The following STAMBPL1 variants were observed in gnomAD, a reference collection of about 807,000 sequenced individuals.
STAMBPL1 encodes AMSH-like protease.
STAMBPL1 carries 44 observed loss-of-function variants against 52.9 expected under a neutral mutation model. The observed-to-expected ratio is 0.83, with a 90% CI of 0.65 to 1.07. The LOEUF (loss-of-function observed/expected upper bound fraction) is 1.07, where lower values mean the gene tolerates loss of function less well. Among genes scored for constraint, STAMBPL1 ranks in the 50% least tolerant of loss-of-function variants. STAMBPL1 has a pLI of 0.00. For missense variants in STAMBPL1, 511 were observed against 520.8 expected, an observed-to-expected ratio of 0.98 and a Z score of 0.18; for synonymous variants, 164 against 177.3, an observed-to-expected ratio of 0.92 and a Z score of 0.60.
intron 1 of STAMBPL1, among the ~76,000 whole-genome samples, chr10:88,888,864 T>C (rs1406896515): frequency 2.0e-5 from 3 of 152,208 alleles, no homozygotes; most frequent in Non-Finnish European, 4.4e-5. Context: ...TGATACATAC[T>C]TATAACAAAT....
intron 8 of STAMBPL1, among the ~76,000 whole-genome samples, chr10:88,920,620 T>C (rs1845485412): frequency 6.6e-6 from 1 of 152,218 alleles, no homozygotes; most frequent in African/African-American, 2.4e-5. Flanking sequence ...CATAAACACA[T>C]TTGTATATAG....
chr10:88,899,619 C>CCTGCCT (rs1844894339), intron 1 of STAMBPL1, among the ~76,000 whole-genome samples: 1 of 152,138 alleles, frequency 6.6e-6, no homozygotes, highest in Non-Finnish European at 1.5e-5. Flanking sequence ...AAGCAATTCT[C>CCTGCCT]CTGCCTCAGC....
At chr10:88,910,304 T>TA (rs1449020594) in intron 4 of STAMBPL1, among the ~76,000 whole-genome samples, 4 of 152,058 alleles carry the variant, frequency 2.6e-5, no homozygotes, top group African/African-American at 9.7e-5. Context: ...TCCTCAACTC[T>TA]AAAAAAGAAG....
intron 1 of STAMBPL1, among the ~76,000 whole-genome samples, chr10:88,890,446 T>A (rs1490382151): frequency 2.6e-5 from 4 of 152,000 alleles, no homozygotes; most frequent in African/African-American, 9.7e-5. Flanking sequence ...GGGTGGGGTG[T>A]ACATTAAGGA....
At position 88,923,409 on chromosome 10, in the gene STAMBPL1, A is replaced by C; in HGVS notation, c.*185A>C. On this transcript the variant is annotated 3_prime_UTR_variant, in exon 11 of 11. Coordinates refer to ENST00000371926, the MANE Select transcript of STAMBPL1 (RefSeq NM_020799.4). ...TCTTTTTGGGTTGCTCTGTGTCAAGAGAGGTTACATGGTGTTAAATCGGTA... is the reference window on the plus strand; with the variant it reads ...TCTTTTTGGGTTGCTCTGTGTCAAGCGAGGTTACATGGTGTTAAATCGGTA... The C allele has an allele frequency of 7.4e-7, 1 of 1,351,668 alleles. No individual in the cohort carries two copies. The allele number at this position is 1,351,668 out of a possible 1,614,324, so 83.7% of individuals were successfully genotyped here.
chr10:88,896,929 C>T (rs1326944015), intron 1 of STAMBPL1, among the ~76,000 whole-genome samples: 4 of 152,048 alleles, frequency 2.6e-5, no homozygotes, highest in Non-Finnish European at 5.9e-5. Flanking sequence ...CTGAAAAAAT[C>T]ACAAAATAAG....
At chr10:88,904,361 T>TG (rs1845020735) in intron 2 of STAMBPL1, among the ~76,000 whole-genome samples, 1 of 152,206 alleles carries the variant, frequency 6.6e-6, no homozygotes, top group Non-Finnish European at 1.5e-5. Context: ...GTTAGGAATT[T>TG]GCATTTGTAA....
intron 1 of STAMBPL1, among the ~76,000 whole-genome samples, chr10:88,893,428 T>C (rs1844735529): frequency 6.6e-6 from 1 of 152,120 alleles, no homozygotes; most frequent in African/African-American, 2.4e-5. Context: ...CCACAAACAC[T>C]GAATCATTCT....
rs1845561982 is a variant in STAMBPL1 at position 88,923,305 on chromosome 10, A to G, written c.*81A>G. The G allele has an allele frequency of 1.3e-6, 2 of 1,499,798 alleles. No individual in the cohort carries two copies. The highest frequency in any genetic ancestry group is 2.9e-5 in the African/African-American group (2 of 69,546). The allele number at this position is 1,499,798 out of a possible 1,614,324, so 92.9% of individuals were successfully genotyped here. On this transcript the variant is annotated 3_prime_UTR_variant, in exon 11 of 11. Transcript: ENST00000371926. ...TGCCGGATTTTCTTAAGATGTTTCC[A>G]GAAATGACTGATATTTTATATTTAT...
intron 1 of STAMBPL1, among the ~76,000 whole-genome samples, chr10:88,883,061 C>T (rs1844447104): frequency 6.9e-6 from 1 of 145,076 alleles, no homozygotes; most frequent in South Asian, 2.2e-4. Context: ...TTCCTGTGTC[C>T]AAGTGTTCTT....
At chr10:88,922,045 C>G (rs1039141109) in intron 9 of STAMBPL1, among the ~76,000 whole-genome samples, 1 of 152,186 alleles carries the variant, frequency 6.6e-6, no homozygotes, top group African/African-American at 2.4e-5. Context: ...GTAATTTCCT[C>G]TCATGAGACT....
chr10:88,918,308 C>CACACACACACACACACACAT (rs1845423088), intron 8 of STAMBPL1, among the ~76,000 whole-genome samples: 1 of 144,852 alleles, frequency 6.9e-6, no homozygotes, highest in African/African-American at 2.7e-5. Context: ...CACACACATA[C>CACACACACACACACACACAT]ACACACACAC....
chr10:88,915,983 A>G (rs1329739034), intron 7 of STAMBPL1, among the ~76,000 whole-genome samples: 3 of 152,088 alleles, frequency 2.0e-5, no homozygotes, highest in African/African-American at 7.2e-5. Flanking sequence ...TGCCTGGGGG[A>G]AGATAGCCTC....
At chr10:88,896,564 A>G (rs1213786401) in intron 1 of STAMBPL1, among the ~76,000 whole-genome samples, 1 of 152,212 alleles carries the variant, frequency 6.6e-6, no homozygotes, top group Non-Finnish European at 1.5e-5. Context: ...GGCCAATTAG[A>G]AATGAGACTG....
intron 7 of STAMBPL1, among the ~76,000 whole-genome samples, chr10:88,915,599 A>G (rs1442705150): frequency 1.3e-5 from 2 of 152,164 alleles, no homozygotes; most frequent in Admixed American, 1.3e-4. Flanking sequence ...ACAAACATTT[A>G]CCGAATATCT....
intron 10 of STAMBPL1, among the ~76,000 whole-genome samples, 187 bp from the exon 11 acceptor site, chr10:88,922,981 C>T (rs1845552507): frequency 1.3e-5 from 2 of 151,700 alleles, no homozygotes; most frequent in Non-Finnish European, 2.9e-5. Flanking sequence ...TATTTGGCAA[C>T]CCCTGTAAAT....
intron 1 of STAMBPL1, among the ~76,000 whole-genome samples, chr10:88,887,590 G>A (rs778728522): frequency 2.6e-5 from 4 of 152,180 alleles, no homozygotes; most frequent in South Asian, 4.1e-4. Flanking sequence ...ATGCAATGGC[G>A]TGATCATAGC....
chr10:88,913,208 G>C lies in STAMBPL1; in HGVS notation c.528G>C (p.Gln176His). 5 of 1,613,870 alleles carry C rather than the reference G, an allele frequency of 3.1e-6. No individual in the cohort carries two copies. Among genetic ancestry groups the C allele is most frequent in the Non-Finnish European group, 3.4e-6 (4 of 1,179,854 alleles). The change falls in exon 6 of 11, where the codon CAG becomes CAC. Residue 176 changes from glutamine to histidine, a missense_variant. By Grantham distance (24) the Gln-to-His change is conservative. Transcript: ENST00000371926. ...QMRQQQLESE[Q>H]FLFFEDQLKK... is the part of the protein sequence containing the mutation. ...GCCAGCAGCAGCTAGAATCGGAGCA[G>C]TTTCTGTTTTTCGAAGATCAACTCA...
Position 88,884,273 on chromosome 10 carries a change from G to GTATT in STAMBPL1, c.-54+3641_-54+3644dup, listed in dbSNP as rs566728608. Among the ~76,000 whole-genome samples the GTATT allele has an allele frequency of 3.3e-3, 497 of 152,286 alleles. 2 individuals carry two copies. Among genetic ancestry groups the GTATT allele is most frequent in the Non-Finnish European group, 4.8e-3 (328 of 68,008 alleles). ...AATGAAACGTGGCCGTTCCTACCAAGTATTTATTTGACAAGTAGGCTCTTA... is the reference window on the plus strand; with the variant it reads ...AATGAAACGTGGCCGTTCCTACCAAGTATTTATTTATTTGACAAGTAGGCTCTTA... On this transcript the variant is annotated intron_variant, in intron 1 of 10. Transcript: ENST00000371926.
Sources: gnomAD v4.1 joint callset for allele counts (sites outside exome capture counted in the v4.1 genomes callset) on GRCh38, gnomAD v4.1.1 for gene constraint, MANE v1.5 for transcripts, NCBI Gene and HGNC (gene_info 2026-07-23, HGNC 2026-07-21) for gene names.